The following HDAC4 variants were observed in gnomAD, a reference collection of about 807,000 sequenced individuals.
The protein encoded by HDAC4 is histone deacetylase 4.
Under a neutral mutation model 135.1 loss-of-function variants are expected in HDAC4, and 16 were observed. The ratio of observed to expected loss-of-function variants is 0.12; its 90% confidence interval spans 0.08 to 0.18. The LOEUF (loss-of-function observed/expected upper bound fraction) is 0.18, where lower values mean the gene tolerates loss of function less well. HDAC4 is among the 10% of genes least tolerant of loss of function. HDAC4 has a pLI of 1.00. For missense variants in HDAC4, 1,143 were observed against 1,511.8 expected, an observed-to-expected ratio of 0.76 and a Z score of 4.05; for synonymous variants, 685 against 653.4, an observed-to-expected ratio of 1.05 and a Z score of -0.74.
At position 239,352,751 on chromosome 2, in the gene HDAC4, C is replaced by G. The variant is rs1393960448; in HGVS notation, c.-52G>C. 2 of 1,525,072 alleles carry G rather than the reference C, an allele frequency of 1.3e-6. No homozygotes were observed. The highest frequency in any genetic ancestry group is 8.9e-7 in the Non-Finnish European group (1 of 1,122,470). 94.5% of individuals were successfully genotyped at this position (1,525,072 alleles called of 1,614,324 possible). A position where few individuals can be genotyped will look rare whatever the true frequency, so the allele number is the denominator to read the frequency against. The stretch of plus-strand genomic sequence containing the variant: ...GATTCGAAATGGCTCAAAATTTCCA[C>G]GGAAACGATAGCTCCAACGAGCTCC... On this transcript the variant is annotated 5_prime_UTR_variant, in exon 2 of 27. Coordinates refer to ENST00000543185, the MANE Select transcript of HDAC4 (RefSeq NM_001378414.1). The surrounding 1 kb of genome is among the most constrained non-coding windows in gnomAD (Gnocchi z 4.4).
At chr2:239,163,724 C>T in intron 6 of HDAC4, 79 bp downstream of exon 6, 1 of 1,433,736 alleles carries the variant, frequency 7.0e-7, no homozygotes, top group Non-Finnish European at 9.8e-7. Context: ...GAGCTGGCTC[C>T]ATGCAAATCT....
chr2:239,391,723 G>A (rs1390041093), intron 1 of HDAC4, among the ~76,000 whole-genome samples: 1 of 152,174 alleles, frequency 6.6e-6, no homozygotes, highest in African/African-American at 2.4e-5. Flanking sequence ...AGGCACATTG[G>A]CAGTGTGACG....
At chr2:239,366,754 A>G (rs1694245964) in intron 1 of HDAC4, among the ~76,000 whole-genome samples, 1 of 152,162 alleles carries the variant, frequency 6.6e-6, no homozygotes, top group East Asian at 1.9e-4. Flanking sequence ...CGAGAGAGCA[A>G]AAGGCCAGTG....
chr2:239,048,386 G>A lies in HDAC4; in HGVS notation c.*4711C>T, dbSNP rs554230045. On this transcript the variant is annotated 3_prime_UTR_variant, in exon 27 of 27. Transcript: ENST00000543185. ...AGCAAAAGAAAGAACCATCGGGCAC[G>A]TCCAGACAATCCAAGAGAAACGGAT... 2 of 152,220 alleles carry A rather than the reference G, an allele frequency of 1.3e-5. No homozygotes were observed. The highest frequency in any genetic ancestry group is 4.8e-5 in the African/African-American group (2 of 41,440). 9.4% of individuals were successfully genotyped at this position (152,220 alleles called of 1,614,324 possible). A position where few individuals can be genotyped will look rare whatever the true frequency, so the allele number is the denominator to read the frequency against.
intron 2 of HDAC4, among the ~76,000 whole-genome samples, chr2:239,287,857 T>C (rs1028885328): frequency 4.6e-5 from 7 of 152,074 alleles, no homozygotes; most frequent in East Asian, 1.9e-4. Context: ...ATTGAAAACG[T>C]AGATTAAGTA....
intron 6 of HDAC4, among the ~76,000 whole-genome samples, chr2:239,157,532 G>C (rs536838824): frequency 6.6e-6 from 1 of 152,212 alleles, no homozygotes; most frequent in Non-Finnish European, 1.5e-5. Flanking sequence ...GCCCTGGGCC[G>C]GGACGGGGAT....
At chr2:239,083,279 A>C (rs995252978) in intron 20 of HDAC4, among the ~76,000 whole-genome samples, 7 of 152,204 alleles carry the variant, frequency 4.6e-5, no homozygotes, top group African/African-American at 1.7e-4. Flanking sequence ...GCGACCTCAC[A>C]CTGCTCTCTT....
intron 3 of HDAC4, among the ~76,000 whole-genome samples, chr2:239,192,236 C>G (rs1252979772): frequency 8.4e-6 from 1 of 119,732 alleles, no homozygotes; most frequent in African/African-American, 3.2e-5. Flanking sequence ...CCACCCACCC[C>G]CCACCCCACA....
intron 15 of HDAC4, among the ~76,000 whole-genome samples, chr2:239,106,819 C>T (rs957924565): frequency 3.3e-5 from 5 of 152,354 alleles, no homozygotes; most frequent in Admixed American, 3.3e-4. Flanking sequence ...CACGCCAGCT[C>T]CACGTGCTCA....
chr2:239,194,242 CT>C (rs2045211929), intron 3 of HDAC4, among the ~76,000 whole-genome samples: 1 of 152,218 alleles, frequency 6.6e-6, no homozygotes, highest in Non-Finnish European at 1.5e-5. Context: ...TCCATCCAGT[CT>C]ACTCAAGAGC....
At chr2:239,302,210 A>G (rs35641250) in intron 2 of HDAC4, among the ~76,000 whole-genome samples, 25,533 of 152,154 alleles carry the variant, frequency 0.17, 2,485 homozygotes, top group East Asian at 0.31. Context: ...TGATTGGAGA[A>G]CATGGCCCCT....
At position 239,121,380 on chromosome 2, in the gene HDAC4, C is replaced by T. The variant is rs181475278; in HGVS notation, c.1533+5076G>A. Among the ~76,000 whole-genome samples the T allele has an allele frequency of 1.1e-4, 16 of 152,288 alleles. No individual in the cohort carries two copies. The East Asian group carries it at 2.9e-3, about 28-fold the overall frequency. Reference sequence around the variant, plus strand: ...GTCATAGCGGGGGTCAGCCTCTCTTCCTGGGGGGCTGTTTCAGGGGCCCCA... The same window carrying T: ...GTCATAGCGGGGGTCAGCCTCTCTTTCTGGGGGGCTGTTTCAGGGGCCCCA... On this transcript the variant is annotated intron_variant, in intron 12 of 26. Coordinates refer to ENST00000543185, the MANE Select transcript of HDAC4 (RefSeq NM_001378414.1).
In HDAC4 at chr2:239,049,389, T is replaced by G. The variant is rs933288355; in HGVS notation, c.*3708A>C. ...GCTGCCGAGTTTGGCGTGCAAAATC[T>G]GTATACAATATAAAGTCATGCCGGT... On this transcript the variant is annotated 3_prime_UTR_variant, in exon 27 of 27. Transcript: ENST00000543185. 3.3e-5 allele frequency: 5 copies of G among 152,512 alleles called. No homozygotes were observed. Among genetic ancestry groups the G allele is most frequent in the African/African-American group, 1.2e-4 (5 of 41,424 alleles). 9.4% of individuals were successfully genotyped at this position (152,512 alleles called of 1,614,324 possible). A position where few individuals can be genotyped will look rare whatever the true frequency, so the allele number is the denominator to read the frequency against.
Position 239,299,220 on chromosome 2 carries a change from C to T in HDAC4, c.22+53458G>A, listed in dbSNP as rs1265539009. The stretch of plus-strand genomic sequence containing the variant: ...AAACCTGGAACTGGGGGCAGCCTGC[C>T]ACCATGAATATCCTCTCAATGTCAA... On this transcript the variant is annotated intron_variant, in intron 2 of 26. Transcript: ENST00000543185. This position sits in a 1 kb window ranked among gnomAD's most constrained non-coding sequence, Gnocchi z 4.0. 1.3e-5 allele frequency among the ~76,000 whole-genome samples: 2 copies of T among 152,170 alleles called. No individual in the cohort carries two copies. The highest frequency in any genetic ancestry group is 4.8e-5 in the African/African-American group (2 of 41,442).
rs1469012381 is a variant in HDAC4 at position 239,049,982 on chromosome 2, G to A, written c.*3115C>T. On this transcript the variant is annotated 3_prime_UTR_variant, in exon 27 of 27. Transcript: ENST00000543185. ...CAAGGCCTTTGCAAAGGAAGAAAAA[G>A]GCTAAAGGTCCAAGGACCCACAGGG... 1 of 152,680 alleles carries A rather than the reference G, an allele frequency of 6.5e-6. No homozygotes were observed. The highest frequency in any genetic ancestry group is 2.4e-5 in the African/African-American group (1 of 41,458). 9.5% of individuals were successfully genotyped at this position (152,680 alleles called of 1,614,324 possible). A position where few individuals can be genotyped will look rare whatever the true frequency, so the allele number is the denominator to read the frequency against.
intron 2 of HDAC4, among the ~76,000 whole-genome samples, chr2:239,343,179 TTAATTTTAATTTCTTAAAATTAACTG>T: frequency 6.6e-6 from 1 of 152,376 alleles, no homozygotes; most frequent in South Asian, 2.1e-4. Flanking sequence ...GATTTTTGTC[TTAATTTTAATTTCTTAAAATTAACTG>T]TAATTTTCAT....
intron 2 of HDAC4, among the ~76,000 whole-genome samples, chr2:239,311,938 A>C (rs1357745496): frequency 6.6e-6 from 1 of 152,158 alleles, no homozygotes; most frequent in East Asian, 1.9e-4. Context: ...GGTTCCTCTA[A>C]AGGTTCCTTC....
chr2:239,323,736 G>C (rs1221704036), intron 2 of HDAC4, among the ~76,000 whole-genome samples: 1 of 152,064 alleles, frequency 6.6e-6, no homozygotes, highest in Non-Finnish European at 1.5e-5. Flanking sequence ...GAAGATGCCG[G>C]TGAGAGCTCA....
intron 22 of HDAC4, among the ~76,000 whole-genome samples, chr2:239,070,590 T>C (rs1226653146): frequency 6.6e-6 from 1 of 152,232 alleles, no homozygotes; most frequent in African/African-American, 2.4e-5. Flanking sequence ...CAAAGTCTCC[T>C]TCACTCCCTC....
Sources: allele counts gnomAD v4.1 joint callset (sites outside exome capture counted in the v4.1 genomes callset), GRCh38; gene constraint gnomAD v4.1.1; non-coding constraint Gnocchi (gnomAD v3.1); transcripts MANE v1.5; gene names NCBI Gene and HGNC (gene_info 2026-07-23, HGNC 2026-07-21).